The following GNAL variants were observed in gnomAD, a reference collection of about 807,000 sequenced individuals.
The protein encoded by GNAL is G protein subunit alpha L.
Under a neutral mutation model 55.1 loss-of-function variants are expected in GNAL, and 18 were observed. That is an observed-to-expected ratio of 0.33 (90% CI 0.23 to 0.48). The LOEUF is 0.48. Ranked by LOEUF, GNAL falls within the 20% of genes least tolerant of loss-of-function variation. The pLI is 0.99. For synonymous variants in GNAL, 253 were observed against 237.0 expected (o/e 1.07, Z -0.62); for missense variants, 412 against 614.1 (o/e 0.67, Z 3.48).
chr18:11,704,790 T>A (rs75843066), intron 1 of GNAL, among the ~76,000 whole-genome samples: 5 of 151,846 alleles, frequency 3.3e-5, no homozygotes, highest in African/African-American at 9.7e-5. Flanking sequence ...AATTTTTTTT[T>A]AATTTAACAG....
At chr18:11,750,807 C>T (rs111442111) in intron 1 of GNAL, among the ~76,000 whole-genome samples, 1,967 of 152,016 alleles carry the variant, frequency 0.013, 17 homozygotes, top group Middle Eastern at 0.027. Flanking sequence ...TAACAAGGGG[C>T]GTGAGATGAA....
At chr18:11,696,367 T>A (rs2031413106) in intron 1 of GNAL, among the ~76,000 whole-genome samples, 1 of 151,880 alleles carries the variant, frequency 6.6e-6, no homozygotes, top group South Asian at 2.1e-4. Flanking sequence ...TAGCCAGGCA[T>A]GGTGGCGGGC....
chr18:11,712,709 G>A (rs1453036464), intron 1 of GNAL, among the ~76,000 whole-genome samples: 3 of 152,166 alleles, frequency 2.0e-5, no homozygotes, highest in South Asian at 2.1e-4. Context: ...TCCCTAGCAA[G>A]CACGGATTCT....
chr18:11,722,841 G>A (rs2143409437), intron 1 of GNAL, among the ~76,000 whole-genome samples: 1 of 152,230 alleles, frequency 6.6e-6, no homozygotes, highest in Middle Eastern at 3.4e-3. Flanking sequence ...GAGAAACCCT[G>A]TCTCTATTAA....
At chr18:11,810,414 C>T (rs2034781717) in intron 4 of GNAL, 1 of 152,362 alleles carries the variant, frequency 6.6e-6, no homozygotes, top group South Asian at 2.1e-4. Flanking sequence ...CTTGTTGGTT[C>T]CCAATTAGGA....
Position 11,884,044 on chromosome 18 carries a change from C to A in GNAL, c.*2909C>A. 5.7e-6 allele frequency: 1 copy of A among 175,814 alleles called. No individual in the cohort carries two copies. The allele number at this position is 175,814 out of a possible 1,614,324, so 10.9% of individuals were successfully genotyped here. On this transcript the variant is annotated 3_prime_UTR_variant, in exon 12 of 12. Coordinates refer to ENST00000334049, the MANE Select transcript of GNAL (RefSeq NM_182978.4). ...ACAGTACATAGGAATTTGAGAACCA[C>A]TTCACAGGAAGAGGGAAACAGCCCA...
intron 4 of GNAL, among the ~76,000 whole-genome samples, chr18:11,784,796 A>T (rs879368597): frequency 1.3e-5 from 2 of 152,206 alleles, no homozygotes; most frequent in Non-Finnish European, 2.9e-5. Context: ...CTGAGCGTGG[A>T]AGAAACTGAC....
chr18:11,837,850 G>A (rs944611075), intron 5 of GNAL, among the ~76,000 whole-genome samples: 7 of 152,202 alleles, frequency 4.6e-5, no homozygotes, highest in African/African-American at 7.2e-5. Context: ...TAATCAAAAT[G>A]TGTAAACAGG....
chr18:11,711,886 A>G (rs2031847955), intron 1 of GNAL, among the ~76,000 whole-genome samples: 1 of 152,220 alleles, frequency 6.6e-6, no homozygotes, highest in South Asian at 2.1e-4. Flanking sequence ...CAATCAGCCT[A>G]GCTATAGATT....
At chr18:11,853,284 G>T (rs1458496284) in intron 5 of GNAL, 1 of 167,134 alleles carries the variant, frequency 6.0e-6, no homozygotes, top group Non-Finnish European at 1.5e-5. Context: ...TGGAAGGAAG[G>T]AGAAAGCTTG....
Position 11,751,735 on chromosome 18 carries a change from G to C in GNAL, c.377-1118G>C, listed in dbSNP as rs574672025. The stretch of plus-strand genomic sequence containing the variant: ...AGCGCCCCAGCCGGCCGGGCTCCGT[G>C]GGGGGTCAGCTCCCTGACCCCTACA... On this transcript the variant is annotated intron_variant, in intron 1 of 11. Transcript: ENST00000334049. The surrounding 1 kb of genome is among the most constrained non-coding windows in gnomAD (Gnocchi z 4.5). The C allele has an allele frequency of 5.1e-5, 44 of 861,878 alleles. No individual in the cohort carries two copies. Among genetic ancestry groups the C allele is most frequent in the Middle Eastern group, 5.8e-4 (1 of 1,718 alleles). The allele number at this position is 861,878 out of a possible 1,614,324, so 53.4% of individuals were successfully genotyped here. A position where few individuals can be genotyped will look rare whatever the true frequency, so the allele number is the denominator to read the frequency against.
rs60071996 is a variant in GNAL at position 11,788,914 on chromosome 18, A to AAAAAAAAAAT, written c.624+34970_624+34971insAAAAAAAATA. ...TCCGTCTCGAAAAAAAAAAAAAAAAAATATATATATATATATATATATACA... is the reference window on the plus strand; with the variant it reads ...TCCGTCTCGAAAAAAAAAAAAAAAAAAAAAAAAAATATATATATATATATATATATATACA... On this transcript the variant is annotated intron_variant, in intron 4 of 11. Coordinates refer to ENST00000334049, the MANE Select transcript of GNAL (RefSeq NM_182978.4). 6.0e-3 allele frequency among the ~76,000 whole-genome samples: 337 copies of AAAAAAAAAAT among 56,248 alleles called. 4 individuals carry two copies. Among genetic ancestry groups the AAAAAAAAAAT allele is most frequent in the East Asian group, 0.017 (24 of 1,406 alleles). 36.9% of individuals were successfully genotyped at this position (56,248 alleles called of 152,430 possible). A position where few individuals can be genotyped will look rare whatever the true frequency, so the allele number is the denominator to read the frequency against.
intron 5 of GNAL, among the ~76,000 whole-genome samples, chr18:11,835,761 T>G (rs917236115): frequency 2.0e-5 from 3 of 152,202 alleles, no homozygotes; most frequent in African/African-American, 7.2e-5. Context: ...GCTGAATTCT[T>G]TGAAACACTT....
chr18:11,694,048 T>C (rs1462345321), intron 1 of GNAL, among the ~76,000 whole-genome samples: 1 of 152,004 alleles, frequency 6.6e-6, no homozygotes, highest in African/African-American at 2.4e-5. Context: ...AGATGGGGTT[T>C]CACCATGTTA....
chr18:11,848,426 T>A (rs186860985), intron 5 of GNAL, among the ~76,000 whole-genome samples: 1 of 152,236 alleles, frequency 6.6e-6, no homozygotes, highest in Admixed American at 6.5e-5. Context: ...TGGCAACTTC[T>A]TTTAGCAACC....
chr18:11,836,339 A>T (rs113068548), intron 5 of GNAL, among the ~76,000 whole-genome samples: 534 of 152,136 alleles, frequency 3.5e-3, no homozygotes, highest in Non-Finnish European at 5.5e-3. Flanking sequence ...CCAGCTACTC[A>T]GGAGGCTGAG....
intron 10 of GNAL, among the ~76,000 whole-genome samples, chr18:11,874,905 C>G (rs931542436): frequency 1.8e-4 from 26 of 146,670 alleles, no homozygotes; most frequent in African/African-American, 6.5e-4. Context: ...TTCTATGAAT[C>G]TGTGAGTAAG....
intron 4 of GNAL, among the ~76,000 whole-genome samples, chr18:11,800,747 G>C (rs1289646398): frequency 6.6e-6 from 1 of 152,174 alleles, no homozygotes; most frequent in East Asian, 1.9e-4. Context: ...TCTTCCGCAG[G>C]CTTCTCTGTC....
intron 11 of GNAL, 35 bp from the exon 12 acceptor site, chr18:11,880,954 C>T (rs1459462806): frequency 6.3e-7 from 1 of 1,598,562 alleles, no homozygotes; most frequent in Admixed American, 1.7e-5. Flanking sequence ...CATGCTGGGG[C>T]CGCGCAGGGC....
Sources: gnomAD v4.1 joint callset for allele counts (sites outside exome capture counted in the v4.1 genomes callset) on GRCh38, gnomAD v4.1.1 for gene constraint, Gnocchi (gnomAD v3.1) non-coding constraint, MANE v1.5 for transcripts, NCBI Gene and HGNC (gene_info 2026-07-23, HGNC 2026-07-21) for gene names.